Variants in NUP153 observed in about 807,000 individuals in gnomAD.
NUP153 encodes nuclear pore complex protein Nup153.
In NUP153, 27 loss-of-function variants were observed where a neutral mutation model predicts 134.6. The observed-to-expected ratio is 0.20, with a 90% confidence interval of 0.15 to 0.28. The LOEUF (loss-of-function observed/expected upper bound fraction) is 0.28. Ranked by LOEUF, NUP153 falls within the 10% of genes least tolerant of loss-of-function variation. NUP153 has a pLI of 1.00. For synonymous variants in NUP153, 640 were observed against 623.5 expected (o/e 1.03, Z -0.40); for missense variants, 1,821 against 1,731.3 (o/e 1.05, Z -0.92).
At chr6:17,679,442 T>G (rs1364165588) in intron 2 of NUP153, among the ~76,000 whole-genome samples, 1 of 152,204 alleles carries the variant, frequency 6.6e-6, no homozygotes, top group Non-Finnish European at 1.5e-5. Flanking sequence ...TCAATACTAT[T>G]CTAAGCAATC....
chr6:17,621,992 A>G (rs1764667312), intron 20 of NUP153, among the ~76,000 whole-genome samples: 1 of 152,190 alleles, frequency 6.6e-6, no homozygotes, highest in African/African-American at 2.4e-5. Flanking sequence ...TTTTATCAAA[A>G]ATGCTTTTGG....
intron 11 of NUP153, among the ~76,000 whole-genome samples, chr6:17,657,068 GCTTCAC>G: frequency 6.6e-6 from 1 of 152,142 alleles, no homozygotes; most frequent in East Asian, 1.9e-4. Flanking sequence ...TTGGAGCATG[GCTTCAC>G]CTTCAGCTTC....
chr6:17,641,029 C>G (rs1198628008), intron 14 of NUP153, among the ~76,000 whole-genome samples: 1 of 152,122 alleles, frequency 6.6e-6, no homozygotes. Flanking sequence ...AGATGAGTGA[C>G]TTACTGCTTT....
chr6:17,659,305 G>A (rs139751821), intron 11 of NUP153, among the ~76,000 whole-genome samples: 160 of 152,302 alleles, frequency 1.1e-3, no homozygotes, highest in African/African-American at 2.9e-3. Context: ...TTTATTTCTC[G>A]TTGGCAAAAA....
intron 1 of NUP153, among the ~76,000 whole-genome samples, chr6:17,696,660 C>G (rs1479975242): frequency 6.6e-6 from 1 of 152,090 alleles, no homozygotes; most frequent in Non-Finnish European, 1.5e-5. Flanking sequence ...GAGGCTGAGG[C>G]AGGAGAATGG....
rs369550223 is a variant in NUP153, at chr6:17,647,846, G to T, written c.1593C>A (p.Ile531=). 10 of 1,612,862 alleles carry T rather than the reference G, an allele frequency of 6.2e-6. No homozygotes were observed. The South Asian group carries it at 9.9e-5, about 16-fold the overall frequency. Residue 531 remains isoleucine (I), a synonymous_variant, in exon 13 of 22, where the codon ATC becomes ATA. Coordinates refer to ENST00000262077, the MANE Select transcript of NUP153 (RefSeq NM_005124.4). The part of the protein sequence containing the change: ...GSPMFKFSSP[I]VKSTEANVLP... ...GTACATTTGCCTCAGTAGATTTTAC[G>T]ATTGGAGATGAAAATTTAAACATGG...
chr6:17,651,913 G>A (rs1177866917), intron 11 of NUP153: 2 of 660,800 alleles, frequency 3.0e-6, no homozygotes, highest in Admixed American at 4.1e-5. Flanking sequence ...GGGCAATACG[G>A]TGAGACCTTG....
intron 11 of NUP153, among the ~76,000 whole-genome samples, chr6:17,655,975 T>G (rs1766792788): frequency 6.6e-6 from 1 of 151,904 alleles, no homozygotes; most frequent in African/African-American, 2.4e-5. Context: ...GAGGCCAAGG[T>G]GGGTGGATCT....
chr6:17,651,031 A>G (rs1300004202), intron 11 of NUP153, among the ~76,000 whole-genome samples: 1 of 152,194 alleles, frequency 6.6e-6, no homozygotes, highest in East Asian at 1.9e-4. Context: ...TAACAAATAA[A>G]TTAAAATGAC....
intron 20 of NUP153, among the ~76,000 whole-genome samples, chr6:17,617,910 A>G (rs1177342820): frequency 6.6e-6 from 1 of 152,134 alleles, no homozygotes; most frequent in African/African-American, 2.4e-5. Context: ...CCAGAACAGA[A>G]GTTTAGTGTT....
chr6:17,662,191 A>C (rs1767230676), intron 9 of NUP153, 121 bp from the exon 10 acceptor site: 1 of 867,126 alleles, frequency 1.2e-6, no homozygotes, highest in African/African-American at 1.7e-5. Context: ...TTAGTTAATG[A>C]ATCCTGAAAT....
At chr6:17,617,789 G>A (rs553776769) in intron 20 of NUP153, among the ~76,000 whole-genome samples, 6 of 152,168 alleles carry the variant, frequency 3.9e-5, no homozygotes, top group Admixed American at 1.3e-4. Context: ...AGGACGCAGT[G>A]TGCCCTGACT....
chr6:17,692,227 G>C (rs1004739318), intron 1 of NUP153, among the ~76,000 whole-genome samples: 2 of 152,170 alleles, frequency 1.3e-5, no homozygotes, highest in Non-Finnish European at 2.9e-5. Context: ...TTAGATTACA[G>C]ACCGATTTTC....
chr6:17,658,481 C>G (rs1221101144), intron 11 of NUP153, among the ~76,000 whole-genome samples: 1 of 152,102 alleles, frequency 6.6e-6, no homozygotes, highest in Non-Finnish European at 1.5e-5. Context: ...GAGACGAGAG[C>G]CTTGAAGATG....
intron 2 of NUP153, among the ~76,000 whole-genome samples, chr6:17,684,322 A>G (rs1768783840): frequency 6.6e-6 from 1 of 152,158 alleles, no homozygotes. Flanking sequence ...TTGTTGCTTC[A>G]CCTTGCCCTT....
intron 20 of NUP153, among the ~76,000 whole-genome samples, chr6:17,619,818 C>A (rs1436141835): frequency 6.6e-6 from 1 of 152,072 alleles, no homozygotes; most frequent in Non-Finnish European, 1.5e-5. Flanking sequence ...ACATATCCGG[C>A]CAGGCGCTGT....
chr6:17,662,055 T>A lies in NUP153; in HGVS notation c.1231A>T (p.Asn411Tyr). Residue 411 changes from asparagine (N) to tyrosine (Y), a missense_variant, in exon 10 of 22, where the codon AAT becomes TAT. Physicochemically the swap from Asn to Tyr is moderately radical, Grantham distance 143. Coordinates refer to ENST00000262077, the MANE Select transcript of NUP153 (RefSeq NM_005124.4). ...TCTCTATTTTGTCCGGGTGTCATATTTTTTTCATATCCAGTCTGCAGGGGA... is the reference window on the plus strand; with the variant it reads ...TCTCTATTTTGTCCGGGTGTCATATATTTTTCATATCCAGTCTGCAGGGGA... Reference protein sequence around the residue: ...DNKCSTGYEKNMTPGQNREQR... With the variant: ...DNKCSTGYEKYMTPGQNREQR... The A allele has an allele frequency of 6.2e-7, 1 of 1,612,828 alleles. No homozygotes were observed.
chr6:17,654,120 T>C (rs577967700), intron 11 of NUP153, among the ~76,000 whole-genome samples: 1 of 152,218 alleles, frequency 6.6e-6, no homozygotes, highest in Non-Finnish European at 1.5e-5. Flanking sequence ...CAACATTTCA[T>C]GTTTGAAATT....
intron 1 of NUP153, among the ~76,000 whole-genome samples, chr6:17,697,681 C>G (rs372476990): frequency 6.6e-5 from 10 of 152,082 alleles, no homozygotes; most frequent in Admixed American, 5.9e-4. Flanking sequence ...GAGCGAGACT[C>G]CATCTCAAAA....
Sources: gnomAD v4.1 joint callset for allele counts (sites outside exome capture counted in the v4.1 genomes callset) on GRCh38, gnomAD v4.1.1 for gene constraint, MANE v1.5 for transcripts, NCBI Gene and HGNC (gene_info 2026-07-23, HGNC 2026-07-21) for gene names.